The following JAKMIP3 variants were observed in gnomAD, a reference collection of about 807,000 sequenced individuals.
The protein encoded by JAKMIP3 is Janus kinase and microtubule interacting protein 3.
In JAKMIP3, 58 loss-of-function variants were observed where a neutral mutation model predicts 118.5. The ratio of observed to expected loss-of-function variants is 0.49; its 90% confidence interval spans 0.40 to 0.61. The LOEUF is 0.61. Ranked by LOEUF, JAKMIP3 falls within the 20% of genes least tolerant of loss-of-function variation. The pLI is 0.00. For missense variants in JAKMIP3, 950 were observed against 1,109.0 expected (o/e 0.86, Z 2.04); for synonymous variants, 486 against 451.2 (o/e 1.08, Z -0.98).
chr10:132,130,980 G>A (rs1310808995), intron 3 of JAKMIP3, among the ~76,000 whole-genome samples: 1 of 151,788 alleles, frequency 6.6e-6, no homozygotes, highest in Non-Finnish European at 1.5e-5. Flanking sequence ...ACTGTGCGGG[G>A]CATGCTTGGG....
upstream of JAKMIP3, among the ~76,000 whole-genome samples, chr10:132,061,464 C>T (rs1029688698): frequency 7.9e-5 from 12 of 152,298 alleles, no homozygotes; most frequent in Admixed American, 5.9e-4. Flanking sequence ...ATTTCTTTCC[C>T]GGTTAATCTA....
At chr10:132,141,847 G>T in intron 10 of JAKMIP3, 73 bp from the exon 11 acceptor site, 1 of 1,523,922 alleles carries the variant, frequency 6.6e-7, no homozygotes, top group Non-Finnish European at 8.8e-7. Flanking sequence ...AAGCCCCGGG[G>T]CCCCGCCATC....
intron 11 of JAKMIP3, among the ~76,000 whole-genome samples, chr10:132,143,189 C>T (rs1050637188): frequency 7.9e-5 from 12 of 151,658 alleles, no homozygotes; most frequent in Middle Eastern, 3.4e-3. Context: ...TCCTCAGGCT[C>T]GGAGAGATTT....
intron 23 of JAKMIP3, among the ~76,000 whole-genome samples, chr10:132,176,852 G>A (rs1006621403): frequency 1.6e-4 from 25 of 151,986 alleles, no homozygotes; most frequent in African/African-American, 5.6e-4. Context: ...CTCCGGATGC[G>A]CTGGTGCCGC....
chr10:132,066,448 A>G (rs896228453), intron 1 of JAKMIP3, among the ~76,000 whole-genome samples: 2 of 152,130 alleles, frequency 1.3e-5, no homozygotes, highest in Non-Finnish European at 2.9e-5. Flanking sequence ...TGAGAATCCC[A>G]CGGACATAGC....
intron 1 of JAKMIP3, among the ~76,000 whole-genome samples, chr10:132,078,512 G>A (rs969883139): frequency 2.0e-5 from 3 of 151,492 alleles, no homozygotes; most frequent in African/African-American, 7.3e-5. Flanking sequence ...AAGGTAGAAA[G>A]GCAATGATCC....
At chr10:132,082,152 AT>A (rs1369777673) in intron 1 of JAKMIP3, among the ~76,000 whole-genome samples, 1 of 97,144 alleles carries the variant, frequency 1.0e-5, no homozygotes, top group South Asian at 4.8e-4. Context: ...GATGCCAGAC[AT>A]TGGGCATTGT....
chr10:132,065,580 C>T (rs941005017), upstream of JAKMIP3, among the ~76,000 whole-genome samples: 8 of 152,078 alleles, frequency 5.3e-5, no homozygotes, highest in South Asian at 2.1e-4. The surrounding 1 kb of genome is among the most constrained non-coding windows in gnomAD (Gnocchi z 5.6). Context: ...TGGCCTCTGC[C>T]GCTCGCTGGT....
chr10:132,090,496 G>T (rs973578282), intron 1 of JAKMIP3, among the ~76,000 whole-genome samples: 1 of 152,106 alleles, frequency 6.6e-6, no homozygotes, highest in Non-Finnish European at 1.5e-5. Flanking sequence ...GTTTATTTGC[G>T]TAGAGGTGTT....
chr10:132,163,724 C>T (rs565283323), intron 20 of JAKMIP3, among the ~76,000 whole-genome samples: 3 of 152,394 alleles, frequency 2.0e-5, no homozygotes, highest in South Asian at 2.1e-4. Flanking sequence ...CAATGGCAGG[C>T]ACTCAGGCCA....
chr10:132,142,494 C>CGGCCCCTCTCCCCCGGCCCCTCTCCCCT (rs2053728459), intron 11 of JAKMIP3, among the ~76,000 whole-genome samples: 2 of 152,206 alleles, frequency 1.3e-5, no homozygotes, highest in African/African-American at 4.8e-5. Context: ...GCCCCGGCCC[C>CGGCCCCTCTCCCCCGGCCCCTCTCCCCT]GGCCCCTCTC....
chr10:132,042,542 G>A (rs1397301841), intron 1 of JAKMIP3, among the ~76,000 whole-genome samples: 1 of 152,136 alleles, frequency 6.6e-6, no homozygotes, highest in Non-Finnish European at 1.5e-5. Context: ...TCTTCATGGT[G>A]CGGCCACCCT....
At chr10:132,074,793 G>A (rs551509541) in intron 1 of JAKMIP3, among the ~76,000 whole-genome samples, 47 of 152,224 alleles carry the variant, frequency 3.1e-4, no homozygotes, top group Non-Finnish European at 6.2e-4. Context: ...TTTCTTCTAG[G>A]ATTTTTATAG....
intron 23 of JAKMIP3, among the ~76,000 whole-genome samples, chr10:132,180,788 T>TGTGTGTGTGCATGCGTGTGTGTGC (rs1491365450): frequency 1.9e-4 from 2 of 10,730 alleles, no homozygotes; most frequent in Admixed American, 1.0e-3. Context: ...TGTGTGCGCG[T>TGTGTGTGTGCATGCGTGTGTGTGC]ATGCATGTGC....
At chr10:132,127,392 T>TTGTGTG (rs145559558) in intron 3 of JAKMIP3, among the ~76,000 whole-genome samples, 4,774 of 146,908 alleles carry the variant, frequency 0.032, 196 homozygotes, top group Admixed American at 0.11. Flanking sequence ...CTGGCTAATT[T>TTGTGTG]TGTGTGTGTG....
intron 3 of JAKMIP3, among the ~76,000 whole-genome samples, chr10:132,125,317 T>G (rs10870263): frequency 0.091 from 13,811 of 152,370 alleles, 813 homozygotes; most frequent in East Asian, 0.16. Context: ...CAGGACTGTT[T>G]TTTGAAATGA....
At chr10:132,148,160 ACC>A in intron 14 of JAKMIP3, 110 bp downstream of exon 14, 12 of 685,774 alleles carry the variant, frequency 1.7e-5, no homozygotes, top group South Asian at 3.7e-5. Flanking sequence ...ATGAACATGA[ACC>A]CAAAAGGCTG....
intron 1 of JAKMIP3, among the ~76,000 whole-genome samples, chr10:132,043,729 G>A (rs1221286211): frequency 2.6e-5 from 4 of 152,154 alleles, no homozygotes; most frequent in East Asian, 1.9e-4. Context: ...TGGGGGGAGC[G>A]GGGCCCTTTC....
intron 3 of JAKMIP3, among the ~76,000 whole-genome samples, 161 bp from the exon 4 acceptor site, chr10:132,133,151 G>A (rs527313963): frequency 6.4e-4 from 97 of 152,300 alleles, no homozygotes; most frequent in African/African-American, 1.9e-3. Flanking sequence ...CCCGGGTGTC[G>A]TGCCTCAGCC....
Sources: gnomAD v4.1 joint callset for allele counts (sites outside exome capture counted in the v4.1 genomes callset) on GRCh38, gnomAD v4.1.1 for gene constraint, Gnocchi (gnomAD v3.1) non-coding constraint, MANE v1.5 for transcripts, NCBI Gene and HGNC (gene_info 2026-07-23, HGNC 2026-07-21) for gene names.